JPT2: variants seen among roughly 807,000 people sequenced by gnomAD.
The protein encoded by JPT2 is Jupiter microtubule associated homolog 2.
In JPT2, 9 loss-of-function variants were observed where a neutral mutation model predicts 15.9. That is an observed-to-expected ratio of 0.57 (90% CI 0.34 to 0.99). The LOEUF (loss-of-function observed/expected upper bound fraction) is 0.99. JPT2 is among the 50% of genes least tolerant of loss of function. The probability of loss-of-function intolerance (pLI) is 0.02; values close to 1 mark genes in which losing one functional copy is unlikely to be tolerated. For synonymous variants in JPT2, 95 were observed against 91.7 expected (o/e 1.04, Z -0.21); for missense variants, 267 against 252.1 (o/e 1.06, Z -0.40).
intron 2 of JPT2, chr16:1,689,083 C>T: frequency 6.6e-6 from 1 of 152,094 alleles, no homozygotes. Context: ...TGGTGTCTGC[C>T]TTGTAGTTAT....
chr16:1,688,940 T>A (rs1043664332), intron 2 of JPT2: 1 of 152,224 alleles, frequency 6.6e-6, no homozygotes, highest in African/African-American at 2.4e-5. Flanking sequence ...TTAGTACCTA[T>A]TGCACGTATA....
intron 3 of JPT2, among the ~76,000 whole-genome samples, chr16:1,697,474 C>G (rs2037150837): frequency 6.6e-6 from 1 of 151,696 alleles, no homozygotes; most frequent in Non-Finnish European, 1.5e-5. Context: ...GATCATGCCA[C>G]CGCACTCTAG....
intron 2 of JPT2, among the ~76,000 whole-genome samples, chr16:1,688,012 T>C (rs986776480): frequency 2.0e-5 from 3 of 152,266 alleles, no homozygotes; most frequent in Non-Finnish European, 4.4e-5. Flanking sequence ...GAATCTTCAG[T>C]AGTCTCTGTG....
chr16:1,695,180 C>T lies in JPT2; in HGVS notation c.337-2632C>T, dbSNP rs369609719. Among the ~76,000 whole-genome samples, 17 of 152,018 alleles carry T rather than the reference C, an allele frequency of 1.1e-4. No homozygotes were observed. In the East Asian group the frequency reaches 1.2e-3, roughly 10 times the overall value. The stretch of plus-strand genomic sequence containing the variant: ...CAGCACCTTGGGAGGCCGAGGCAGG[C>T]GGATCACCTGAGGCCGGGAGTTCGA... On this transcript the variant is annotated intron_variant, in intron 3 of 4. Transcript: ENST00000248098.
At chr16:1,694,423 A>G (rs546903579) in intron 3 of JPT2, among the ~76,000 whole-genome samples, 1 of 152,264 alleles carries the variant, frequency 6.6e-6, no homozygotes, top group Non-Finnish European at 1.5e-5. Context: ...CTGAGGATTA[A>G]AGAGAGACAA....
chr16:1,682,947 C>T (rs566690015), intron 1 of JPT2, among the ~76,000 whole-genome samples: 4 of 152,152 alleles, frequency 2.6e-5, no homozygotes, highest in Admixed American at 6.5e-5. Flanking sequence ...GGACAACAGG[C>T]GCATACCACC....
intron 3 of JPT2, chr16:1,692,485 G>T (rs2037111151): frequency 6.0e-6 from 1 of 168,050 alleles, no homozygotes; most frequent in African/African-American, 2.4e-5. Context: ...GGCATCAGTA[G>T]GATAAGACAA....
chr16:1,691,876 C>G lies in JPT2; in HGVS notation c.227C>G (p.Thr76Ser). 2 of 1,614,066 alleles carry G rather than the reference C, an allele frequency of 1.2e-6. No individual in the cohort carries two copies. Among genetic ancestry groups the G allele is most frequent in the Non-Finnish European group, 1.7e-6 (2 of 1,180,016 alleles). ...GKGSGIFDES[T>S]PVQTRQHLNP... ...GGAAGTGGTATCTTTGACGAATCAA[C>G]CCCCGTGCAGACTCGACAGCACCTG... The change falls in exon 3 of 5, where the codon ACC becomes AGC. Residue 76 changes from threonine to serine, a missense_variant. Transcript: ENST00000248098.
intron 3 of JPT2, among the ~76,000 whole-genome samples, chr16:1,696,981 G>C (rs1365801735): frequency 2.0e-5 from 3 of 152,154 alleles, no homozygotes; most frequent in East Asian, 1.9e-4. Flanking sequence ...CACAAGATTT[G>C]AAAACAAGGA....
At chr16:1,686,846 C>G (rs998382477) in intron 2 of JPT2, 12 of 152,280 alleles carry the variant, frequency 7.9e-5, no homozygotes, top group African/African-American at 2.9e-4. Context: ...AGAGGCCGTG[C>G]TTAGGTGTCA....
At chr16:1,695,831 A>G (rs781216795) in intron 3 of JPT2, among the ~76,000 whole-genome samples, 2 of 152,278 alleles carry the variant, frequency 1.3e-5, no homozygotes, top group African/African-American at 2.4e-5. Flanking sequence ...AGATCATGCA[A>G]CTGCACTCCA....
Position 1,699,085 on chromosome 16 carries a change from G to T in JPT2, c.*87G>T, listed in dbSNP as rs2142231957. On this transcript the variant is annotated 3_prime_UTR_variant, in exon 5 of 5. Transcript: ENST00000248098. ...TCATTTCCTTTTGCCCAAATGAGCG[G>T]GGTGGGAAGAGGGTTAGTCTTATGT... 1 of 1,399,960 alleles carries T rather than the reference G, an allele frequency of 7.1e-7. No individual in the cohort carries two copies. The highest frequency in any genetic ancestry group is 1.0e-6 in the Non-Finnish European group (1 of 997,932). 86.7% of individuals were successfully genotyped at this position (1,399,960 alleles called of 1,614,324 possible).
intron 1 of JPT2, among the ~76,000 whole-genome samples, chr16:1,682,003 G>A (rs2037026798): frequency 6.6e-6 from 1 of 152,240 alleles, no homozygotes; most frequent in Non-Finnish European, 1.5e-5. Flanking sequence ...TCGAAAGATT[G>A]CAGGCCTTCA....
intron 1 of JPT2, chr16:1,683,502 C>A (rs912164957): frequency 3.6e-5 from 55 of 1,526,460 alleles, no homozygotes; most frequent in Non-Finnish European, 4.5e-5. Flanking sequence ...CTCCTCAAAT[C>A]CTCCAGGAAA....
At chr16:1,689,907 G>A (rs2037093114) in intron 2 of JPT2, 1 of 152,320 alleles carries the variant, frequency 6.6e-6, no homozygotes, top group African/African-American at 2.4e-5. Flanking sequence ...CTGGCCAGGG[G>A]TGTCAAGCTT....
At chr16:1,678,484 C>A (rs1215434329) in intron 1 of JPT2, 128 bp downstream of exon 1, 4 of 951,636 alleles carry the variant, frequency 4.2e-6, no homozygotes. Flanking sequence ...CTCACAGAGG[C>A]CCTCGGGGCC....
intron 2 of JPT2, among the ~76,000 whole-genome samples, chr16:1,690,758 G>T (rs1477899588): frequency 6.6e-6 from 1 of 152,176 alleles, no homozygotes; most frequent in African/African-American, 2.4e-5. Context: ...ATGCTATATG[G>T]ATTGTTTGCA....
In JPT2 at chr16:1,681,290, G is replaced by T. The variant is rs1442596011; in HGVS notation, c.44+2934G>T. Among the ~76,000 whole-genome samples, 3 of 152,204 alleles carry T rather than the reference G, an allele frequency of 2.0e-5. No homozygotes were observed. In the East Asian group the frequency reaches 5.8e-4, roughly 29 times the overall value. The stretch of plus-strand genomic sequence containing the variant: ...CAGCCCTGCGGTCTGTGTGAAACCT[G>T]CAGTGGGACCTGTTGCCTTTGTGAC... On this transcript the variant is annotated intron_variant, in intron 1 of 4. Coordinates refer to ENST00000248098, the MANE Select transcript of JPT2 (RefSeq NM_144570.3).
intron 3 of JPT2, chr16:1,692,300 C>T (rs910352157): frequency 2.9e-5 from 10 of 341,784 alleles, no homozygotes; most frequent in Non-Finnish European, 4.4e-5. Context: ...CGGAACGTGC[C>T]GCAGACGAGC....
Sources: gnomAD v4.1 joint callset for allele counts (sites outside exome capture counted in the v4.1 genomes callset) on GRCh38, gnomAD v4.1.1 for gene constraint, MANE v1.5 for transcripts, NCBI Gene and HGNC (gene_info 2026-07-23, HGNC 2026-07-21) for gene names.